The following KAZN variants were observed in gnomAD, a reference collection of about 807,000 sequenced individuals.
KAZN encodes the protein kazrin, periplakin interacting protein.
KAZN carries 40 observed loss-of-function variants against 87.4 expected under a neutral mutation model. The observed-to-expected ratio is 0.46, with a 90% CI of 0.36 to 0.60. The LOEUF (loss-of-function observed/expected upper bound fraction) is 0.60. KAZN is among the 20% of genes least tolerant of loss of function. The pLI, the probability that KAZN is intolerant of heterozygous loss-of-function variation, is 0.00. For synonymous variants in KAZN, 466 were observed against 458.3 expected (o/e 1.02, Z -0.22); for missense variants, 898 against 1,073.9 (o/e 0.84, Z 2.29).
chr1:14,109,591 A>G (rs1482934237), intron 1 of KAZN, among the ~76,000 whole-genome samples: 1 of 152,108 alleles, frequency 6.6e-6, no homozygotes, highest in Non-Finnish European at 1.5e-5. Flanking sequence ...GTCAAGAGTG[A>G]TTTTGGCCCT....
chr1:14,943,280 A>G (rs1661361196), intron 1 of KAZN, among the ~76,000 whole-genome samples: 1 of 151,932 alleles, frequency 6.6e-6, no homozygotes, highest in Non-Finnish European at 1.5e-5. Context: ...GAAACCAGAG[A>G]AAGCCAGAGG....
chr1:15,031,426 G>A (rs1248014256), intron 2 of KAZN, among the ~76,000 whole-genome samples: 2 of 152,248 alleles, frequency 1.3e-5, no homozygotes, highest in African/African-American at 4.8e-5. Flanking sequence ...TCTGGGCAAA[G>A]GCCGTGGAGC....
chr1:14,326,323 A>G (rs982506310), intron 2 of KAZN, among the ~76,000 whole-genome samples: 1 of 152,090 alleles, frequency 6.6e-6, no homozygotes, highest in Non-Finnish European at 1.5e-5. Context: ...CCCATACCAC[A>G]TGTAACCCAT....
intron 1 of KAZN, among the ~76,000 whole-genome samples, chr1:13,989,900 G>A (rs1314445728): frequency 6.6e-6 from 1 of 152,168 alleles, no homozygotes; most frequent in African/African-American, 2.4e-5. Context: ...TGGCAACACT[G>A]AGCTAGATGC....
At chr1:14,205,903 A>AAAAAAAAAAAAAG (rs1646732540) in intron 2 of KAZN, among the ~76,000 whole-genome samples, 1 of 55,002 alleles carries the variant, frequency 1.8e-5, no homozygotes, top group African/African-American at 8.4e-5. Context: ...AAAAAAAAAA[A>AAAAAAAAAAAAAG]AAAGCTACCT....
intron 2 of KAZN, among the ~76,000 whole-genome samples, chr1:14,254,855 G>T (rs1009570193): frequency 9.2e-5 from 14 of 152,142 alleles, no homozygotes; most frequent in Non-Finnish European, 1.5e-5. Flanking sequence ...GGACACGGTG[G>T]CTCATGCCTG....
chr1:14,484,987 C>T (rs1365763588), intron 2 of KAZN, among the ~76,000 whole-genome samples: 1 of 152,232 alleles, frequency 6.6e-6, no homozygotes, highest in Non-Finnish European at 1.5e-5. Flanking sequence ...TTCTCCCCCA[C>T]ACCACCACAT....
At chr1:15,037,285 G>A (rs966822367) in intron 3 of KAZN, among the ~76,000 whole-genome samples, 9 of 152,198 alleles carry the variant, frequency 5.9e-5, no homozygotes, top group South Asian at 2.1e-4. Flanking sequence ...CTTCAGTGAC[G>A]TGCTGGCCCT....
At chr1:14,188,352 T>C (rs757998106) in intron 2 of KAZN, among the ~76,000 whole-genome samples, 4 of 152,074 alleles carry the variant, frequency 2.6e-5, no homozygotes, top group African/African-American at 4.8e-5. Context: ...GCAAAAGATA[T>C]ATACAAATTA....
At chr1:14,729,745 A>G (rs1026761349) in intron 1 of KAZN, among the ~76,000 whole-genome samples, 1 of 152,198 alleles carries the variant, frequency 6.6e-6, no homozygotes, top group Admixed American at 6.5e-5. Flanking sequence ...AGACCTCACT[A>G]ACCGAATAAC....
chr1:14,193,666 T>G (rs1476996697), intron 2 of KAZN, among the ~76,000 whole-genome samples: 1 of 103,182 alleles, frequency 9.7e-6, no homozygotes, highest in African/African-American at 6.9e-5. Context: ...AAGGTGTTTT[T>G]TTTTTTTTTT....
intron 1 of KAZN, among the ~76,000 whole-genome samples, chr1:14,644,976 G>T (rs1248930629): frequency 6.6e-6 from 1 of 152,138 alleles, no homozygotes; most frequent in Non-Finnish European, 1.5e-5. Context: ...GTTAATTTGT[G>T]TATATGGTGT....
chr1:14,542,919 C>A (rs1020153527), intron 2 of KAZN, among the ~76,000 whole-genome samples: 19 of 151,712 alleles, frequency 1.3e-4, no homozygotes, highest in Non-Finnish European at 2.4e-4. Flanking sequence ...CTCAGCCTGC[C>A]CAGCCAGAAG....
At chr1:14,623,235 T>C (rs1308157062) in intron 1 of KAZN, among the ~76,000 whole-genome samples, 2 of 152,190 alleles carry the variant, frequency 1.3e-5, no homozygotes, top group Non-Finnish European at 2.9e-5. Context: ...ATGTCAATGG[T>C]AGACTGGATA....
At chr1:14,696,970 C>T (rs2148796057) in intron 1 of KAZN, among the ~76,000 whole-genome samples, 1 of 152,114 alleles carries the variant, frequency 6.6e-6, no homozygotes, top group Non-Finnish European at 1.5e-5. Context: ...GGTGACGTTT[C>T]CTGGGAGTCA....
chr1:13,985,186 C>T (rs1270581346), intron 1 of KAZN, among the ~76,000 whole-genome samples: 1 of 151,408 alleles, frequency 6.6e-6, no homozygotes, highest in African/African-American at 2.4e-5. Flanking sequence ...ATTTTTATTC[C>T]TTTTTATAAA....
At chr1:14,312,294 C>T (rs2100814819) in intron 2 of KAZN, among the ~76,000 whole-genome samples, 1 of 152,278 alleles carries the variant, frequency 6.6e-6, no homozygotes, top group Non-Finnish European at 1.5e-5. Context: ...TTGCAGATTA[C>T]TTTGGGAATA....
chr1:13,915,280 C>T (rs1286756260), intron 1 of KAZN, among the ~76,000 whole-genome samples: 3 of 152,124 alleles, frequency 2.0e-5, no homozygotes, highest in Non-Finnish European at 4.4e-5. Flanking sequence ...TGCCTGGGGA[C>T]CACGGGACTT....
chr1:14,808,290 C>CTTTTTTTTT (rs57548450), intron 1 of KAZN, among the ~76,000 whole-genome samples: 4 of 88,096 alleles, frequency 4.5e-5, no homozygotes, highest in Non-Finnish European at 6.7e-5. Context: ...AAAGAGGTTT[C>CTTTTTTTTT]TTTTTTTTTT....
Sources: allele counts gnomAD v4.1 joint callset (sites outside exome capture counted in the v4.1 genomes callset), GRCh38; gene constraint gnomAD v4.1.1; transcripts MANE v1.5; gene names NCBI Gene and HGNC (gene_info 2026-07-23, HGNC 2026-07-21).